KCND2: variants seen among roughly 807,000 people sequenced by gnomAD.
The protein encoded by KCND2 is A-type voltage-gated potassium channel KCND2.
Under a neutral mutation model 54.4 loss-of-function variants are expected in KCND2, and 16 were observed. The ratio of observed to expected loss-of-function variants is 0.29; its 90% confidence interval spans 0.20 to 0.45. The LOEUF (loss-of-function observed/expected upper bound fraction) is 0.45. Among genes scored for constraint, KCND2 ranks in the 20% least tolerant of loss-of-function variants. The pLI, the probability that KCND2 is intolerant of heterozygous loss-of-function variation, is 1.00. For synonymous variants in KCND2, 317 were observed against 310.7 expected, an observed-to-expected ratio of 1.02 and a Z score of -0.21; for missense variants, 486 against 824.2, an observed-to-expected ratio of 0.59 and a Z score of 5.02.
chr7:120,708,434 C>A (rs1792496941), intron 1 of KCND2, among the ~76,000 whole-genome samples: 1 of 152,016 alleles, frequency 6.6e-6, no homozygotes, highest in South Asian at 2.1e-4. Context: ...AATGAACTTT[C>A]TAGAAAAATA....
intron 1 of KCND2, among the ~76,000 whole-genome samples, chr7:120,389,675 A>G (rs1005555605): frequency 7.2e-5 from 11 of 151,826 alleles, no homozygotes; most frequent in Non-Finnish European, 1.6e-4. Context: ...TGTTAACCTA[A>G]TTTTTGTTGA....
chr7:120,383,495 C>T (rs184423170), intron 1 of KCND2, among the ~76,000 whole-genome samples: 13 of 150,856 alleles, frequency 8.6e-5, no homozygotes, highest in African/African-American at 2.9e-4. Flanking sequence ...CCTTATAGTG[C>T]ACTCACTATA....
chr7:120,489,120 A>C (rs973242172), intron 1 of KCND2, among the ~76,000 whole-genome samples: 2 of 152,092 alleles, frequency 1.3e-5, no homozygotes, highest in Non-Finnish European at 2.9e-5. Flanking sequence ...CTATGTTCCC[A>C]TTCAGAATAG....
intron 1 of KCND2, among the ~76,000 whole-genome samples, chr7:120,478,137 T>TA (rs1459871982): frequency 2.6e-5 from 4 of 152,182 alleles, no homozygotes; most frequent in Non-Finnish European, 5.9e-5. Context: ...ACACAAGAAA[T>TA]ACACTTTATA....
chr7:120,659,699 C>T (rs559231463), intron 1 of KCND2, among the ~76,000 whole-genome samples: 27 of 152,290 alleles, frequency 1.8e-4, no homozygotes, highest in African/African-American at 6.3e-4. Context: ...AGCCATCCCT[C>T]AGTATACATG....
At chr7:120,622,691 T>A (rs375842265) in intron 1 of KCND2, among the ~76,000 whole-genome samples, 18,768 of 111,554 alleles carry the variant, frequency 0.17, 1,548 homozygotes, top group African/African-American at 0.32. Flanking sequence ...ACACACACAC[T>A]CTCTCTCTCT....
At chr7:120,385,185 G>T (rs1191206179) in intron 1 of KCND2, among the ~76,000 whole-genome samples, 3 of 149,622 alleles carry the variant, frequency 2.0e-5, no homozygotes, top group African/African-American at 7.4e-5. Context: ...TTTTTTTTTG[G>T]TAGAGACGGG....
intron 1 of KCND2, among the ~76,000 whole-genome samples, chr7:120,280,927 C>T (rs1162734405): frequency 6.6e-6 from 1 of 152,004 alleles, no homozygotes; most frequent in Non-Finnish European, 1.5e-5. Context: ...TGACTCATTC[C>T]ACATTCCTCA....
chr7:120,608,016 GT>G (rs5886996), intron 1 of KCND2, among the ~76,000 whole-genome samples: 129,110 of 147,816 alleles, frequency 0.87, 56,999 homozygotes, highest in East Asian at 0.99. Context: ...GAATGTGACT[GT>G]TTTTTTTTTT....
chr7:120,385,526 G>C (rs548311342), intron 1 of KCND2, among the ~76,000 whole-genome samples: 1 of 152,092 alleles, frequency 6.6e-6, no homozygotes, highest in Non-Finnish European at 1.5e-5. Flanking sequence ...GATGAATGCT[G>C]AAAAGGGAGA....
intron 1 of KCND2, among the ~76,000 whole-genome samples, chr7:120,557,575 C>T (rs984218208): frequency 1.3e-5 from 2 of 152,052 alleles, no homozygotes; most frequent in African/African-American, 4.8e-5. Context: ...TCACCTTTTC[C>T]AAGGAGTTCT....
At chr7:120,713,371 A>G (rs374882907) in intron 1 of KCND2, among the ~76,000 whole-genome samples, 58 of 152,302 alleles carry the variant, frequency 3.8e-4, no homozygotes, top group African/African-American at 1.3e-3. Flanking sequence ...ATAGGAAACC[A>G]TCTTAAATAA....
At chr7:120,586,414 T>C (rs577997884) in intron 1 of KCND2, among the ~76,000 whole-genome samples, 7 of 152,292 alleles carry the variant, frequency 4.6e-5, no homozygotes, top group Non-Finnish European at 7.4e-5. Context: ...CACATAAAAT[T>C]CATCAAAATC....
chr7:120,448,776 A>C (rs1296897743), intron 1 of KCND2, among the ~76,000 whole-genome samples: 1 of 152,196 alleles, frequency 6.6e-6, no homozygotes, highest in Admixed American at 6.5e-5. Flanking sequence ...CAACATACTC[A>C]AATCAATAAA....
intron 5 of KCND2, among the ~76,000 whole-genome samples, chr7:120,746,260 G>A (rs1793005647): frequency 6.6e-6 from 1 of 152,176 alleles, no homozygotes; most frequent in African/African-American, 2.4e-5. Flanking sequence ...AGATGATTGA[G>A]TGCACACAAA....
intron 1 of KCND2, among the ~76,000 whole-genome samples, chr7:120,683,161 G>GT (rs1792161231): frequency 6.6e-6 from 1 of 152,106 alleles, no homozygotes; most frequent in African/African-American, 2.4e-5. Flanking sequence ...GCAAAGTTTC[G>GT]TATCAAGCAC....
At chr7:120,410,355 C>A (rs1801431004) in intron 1 of KCND2, among the ~76,000 whole-genome samples, 2 of 151,550 alleles carry the variant, frequency 1.3e-5, no homozygotes, top group Admixed American at 1.3e-4. Context: ...GTTTAAAATT[C>A]TTTTTTGGCT....
intron 1 of KCND2, among the ~76,000 whole-genome samples, chr7:120,643,625 A>G (rs141424100): frequency 4.6e-5 from 7 of 152,148 alleles, no homozygotes; most frequent in East Asian, 1.9e-4. Context: ...TGAAAGATCA[A>G]TCATTGCTTG....
chr7:120,580,398 C>G (rs1792500226), intron 1 of KCND2, among the ~76,000 whole-genome samples: 1 of 152,168 alleles, frequency 6.6e-6, no homozygotes, highest in African/African-American at 2.4e-5. Flanking sequence ...CTCCTCTTTT[C>G]CCCACTTTCC....
Sources: gnomAD v4.1 joint callset for allele counts (sites outside exome capture counted in the v4.1 genomes callset) on GRCh38, gnomAD v4.1.1 for gene constraint, MANE v1.5 for transcripts, NCBI Gene and HGNC (gene_info 2026-07-23, HGNC 2026-07-21) for gene names.